The following WDFY2 variants were observed in gnomAD, a reference collection of about 807,000 sequenced individuals.
WDFY2 encodes the protein WD repeat and FYVE domain-containing protein 2.
A neutral mutation model predicts 56.4 loss-of-function variants in WDFY2; 36 were observed. The observed-to-expected ratio is 0.64, with a 90% CI of 0.49 to 0.84. WDFY2 has a LOEUF of 0.84. Ranked by LOEUF, WDFY2 falls within the 40% of genes least tolerant of loss-of-function variation. The pLI, the probability that WDFY2 is intolerant of heterozygous loss-of-function variation, is 0.00. For synonymous variants in WDFY2, 176 were observed against 183.7 expected (o/e 0.96, Z 0.34); for missense variants, 444 against 512.2 (o/e 0.87, Z 1.29).
chr13:51,688,618 A>G (rs1264426273), intron 3 of WDFY2, among the ~76,000 whole-genome samples: 2 of 152,046 alleles, frequency 1.3e-5, no homozygotes, highest in Non-Finnish European at 2.9e-5. Flanking sequence ...CCCCTTACAA[A>G]CTCTAAAACT....
intron 1 of WDFY2, among the ~76,000 whole-genome samples, chr13:51,638,944 T>A (rs1327037454): frequency 2.0e-5 from 3 of 152,334 alleles, no homozygotes; most frequent in African/African-American, 7.2e-5. Context: ...GAAAATAATT[T>A]AGTTACAGCT....
chr13:51,706,294 A>G (rs1952080994), intron 4 of WDFY2, among the ~76,000 whole-genome samples: 1 of 152,252 alleles, frequency 6.6e-6, no homozygotes, highest in Non-Finnish European at 1.5e-5. Context: ...AACCAAAGAG[A>G]GAACTAAAAC....
intron 6 of WDFY2, among the ~76,000 whole-genome samples, chr13:51,732,266 G>A (rs554627690): frequency 6.6e-6 from 1 of 152,138 alleles, no homozygotes; most frequent in South Asian, 2.1e-4. Flanking sequence ...TAGTAGCTGG[G>A]ACCACAGGTG....
At chr13:51,631,391 TAAAA>T (rs374903152) in intron 1 of WDFY2, among the ~76,000 whole-genome samples, 1 of 123,088 alleles carries the variant, frequency 8.1e-6, no homozygotes, top group Admixed American at 8.2e-5. Flanking sequence ...ATCCTGTCTC[TAAAA>T]AAAAAAAAAA....
chr13:51,618,145 G>T (rs985957290), intron 1 of WDFY2, among the ~76,000 whole-genome samples: 2 of 152,176 alleles, frequency 1.3e-5, no homozygotes, highest in African/African-American at 4.8e-5. Flanking sequence ...GCCCCCTGTT[G>T]TTAGCACTAC....
In WDFY2 at chr13:51,720,302, T is replaced by C. The variant is rs1400811846; in HGVS notation, c.485+954T>C. 3.3e-5 allele frequency among the ~76,000 whole-genome samples: 5 copies of C among 152,202 alleles called. No homozygotes were observed. In the East Asian group the frequency reaches 5.8e-4, roughly 18 times the overall value. On this transcript the variant is annotated intron_variant, in intron 5 of 11. Coordinates refer to ENST00000298125, the MANE Select transcript of WDFY2 (RefSeq NM_052950.4). ...TATATATATGCTAATATCACTCTTA[T>C]TTTTCTCACTGGAAGAGCAAGGTGA...
chr13:51,621,123 T>G (rs1220125574), intron 1 of WDFY2, among the ~76,000 whole-genome samples: 1 of 152,260 alleles, frequency 6.6e-6, no homozygotes, highest in Non-Finnish European at 1.5e-5. Flanking sequence ...CCTGCATTTC[T>G]GCTGTAGTAC....
chr13:51,725,693 C>T (rs971385924), intron 5 of WDFY2, among the ~76,000 whole-genome samples: 7 of 149,576 alleles, frequency 4.7e-5, no homozygotes, highest in Non-Finnish European at 4.4e-5. Flanking sequence ...TATATATACA[C>T]AATTTTTTTT....
At chr13:51,753,661 T>C (rs974486855) in intron 8 of WDFY2, among the ~76,000 whole-genome samples, 1 of 152,172 alleles carries the variant, frequency 6.6e-6, no homozygotes, top group African/African-American at 2.4e-5. Flanking sequence ...TCCCCTTTAT[T>C]GGTCTTTAGC....
intron 1 of WDFY2, among the ~76,000 whole-genome samples, chr13:51,601,425 T>TC (rs1406459847): frequency 6.6e-6 from 1 of 152,130 alleles, no homozygotes; most frequent in African/African-American, 2.4e-5. Flanking sequence ...TTACTTTTTT[T>TC]TTTTTTTAGA....
intron 3 of WDFY2, among the ~76,000 whole-genome samples, chr13:51,690,302 G>A (rs1457834923): frequency 1.3e-5 from 2 of 150,150 alleles, no homozygotes; most frequent in South Asian, 2.1e-4. Context: ...CCACTAACTC[G>A]TCATCTAGCA....
intron 1 of WDFY2, among the ~76,000 whole-genome samples, chr13:51,615,422 G>A (rs1164907755): frequency 6.6e-6 from 1 of 151,704 alleles, no homozygotes. Flanking sequence ...TAGATAATAA[G>A]GATCTAAGGA....
In WDFY2 at chr13:51,681,421, G is replaced by C. The variant is rs1315499071; in HGVS notation, c.279+6178G>C. Among the ~76,000 whole-genome samples the C allele has an allele frequency of 2.0e-5, 3 of 152,168 alleles. No individual in the cohort carries two copies. In the South Asian group the frequency reaches 6.2e-4, roughly 32 times the overall value. ...TTTGAAGAAAATTTCAGGAAGCTCT[G>C]TGTTCAGAGAAATGTGTGCGTGGAA... On this transcript the variant is annotated intron_variant, in intron 3 of 11. Transcript: ENST00000298125.
chr13:51,623,776 G>T (rs1954787205), intron 1 of WDFY2, among the ~76,000 whole-genome samples: 1 of 150,972 alleles, frequency 6.6e-6, no homozygotes, highest in Non-Finnish European at 1.5e-5. Context: ...TGGTTATTCT[G>T]TGGTTCCTGT....
intron 3 of WDFY2, among the ~76,000 whole-genome samples, chr13:51,702,146 T>TA (rs1273858154): frequency 6.6e-6 from 1 of 152,026 alleles, no homozygotes; most frequent in African/African-American, 2.4e-5. Context: ...ACCCCATGTC[T>TA]ACTAAAAATA....
intron 4 of WDFY2, among the ~76,000 whole-genome samples, chr13:51,705,571 G>GT (rs879920120): frequency 0.02 from 2,766 of 141,098 alleles, 37 homozygotes; most frequent in African/African-American, 0.048. Flanking sequence ...TTTTTTCTTT[G>GT]TTTTTTTTTT....
chr13:51,702,592 A>T (rs1244408531), intron 3 of WDFY2, among the ~76,000 whole-genome samples: 1 of 152,182 alleles, frequency 6.6e-6, no homozygotes, highest in Non-Finnish European at 1.5e-5. Flanking sequence ...GATGTTTATC[A>T]CAATAAAATA....
intron 1 of WDFY2, among the ~76,000 whole-genome samples, chr13:51,658,760 T>G (rs1024518053): frequency 7.9e-5 from 12 of 152,194 alleles, no homozygotes; most frequent in Admixed American, 5.2e-4. Flanking sequence ...TTCTTATAAG[T>G]TATTTACCAT....
intron 3 of WDFY2, among the ~76,000 whole-genome samples, chr13:51,691,859 C>G (rs958339380): frequency 1.3e-5 from 2 of 151,716 alleles, no homozygotes; most frequent in African/African-American, 4.9e-5. Flanking sequence ...TGTTTGTGTC[C>G]TCTTTTATTT....
Sources: gnomAD v4.1 joint callset for allele counts (sites outside exome capture counted in the v4.1 genomes callset) on GRCh38, gnomAD v4.1.1 for gene constraint, MANE v1.5 for transcripts, NCBI Gene and HGNC (gene_info 2026-07-23, HGNC 2026-07-21) for gene names.